ADGRF3: variants seen among roughly 807,000 people sequenced by gnomAD.
The protein encoded by ADGRF3 is adhesion G protein-coupled receptor F3, also known as G protein-coupled receptor 113.
In ADGRF3, 85 loss-of-function variants were observed where a neutral mutation model predicts 93.2. The observed-to-expected ratio is 0.91, with a 90% confidence interval of 0.77 to 1.09. ADGRF3 has a LOEUF of 1.09. Ranked by LOEUF, ADGRF3 falls within the 50% of genes least tolerant of loss-of-function variation. The pLI, the probability that ADGRF3 is intolerant of heterozygous loss-of-function variation, is 0.00. For synonymous variants in ADGRF3, 534 were observed against 532.5 expected, an observed-to-expected ratio of 1.00 and a Z score of -0.04; for missense variants, 1,125 against 1,246.2, an observed-to-expected ratio of 0.90 and a Z score of 1.46.
chr2:26,331,063 T>G (rs1033689008), intron 1 of ADGRF3, among the ~76,000 whole-genome samples: 1 of 152,250 alleles, frequency 6.6e-6, no homozygotes, highest in Non-Finnish European at 1.5e-5. Context: ...GATTTCTTCT[T>G]TGTCGGCTAC....
In ADGRF3 at chr2:26,333,986, G is replaced by GTT. The variant is rs35637865; in HGVS notation, c.114+12133_114+12134dup. 2.1e-3 allele frequency among the ~76,000 whole-genome samples: 313 copies of GTT among 147,044 alleles called. 1 individual carries two copies. Among genetic ancestry groups the GTT allele is most frequent in the Admixed American group, 2.6e-3 (39 of 14,820 alleles). On this transcript the variant is annotated intron_variant, in intron 1 of 13. Transcript: ENST00000651242. ...AGGCACACGCCACCACGCCCAGCTA[G>GTT]TTTTTTTTTTTGTATTTTTGGTAGA...
At chr2:26,319,591 CTT>C (rs1675012709) in intron 1 of ADGRF3, among the ~76,000 whole-genome samples, 1 of 78,034 alleles carries the variant, frequency 1.3e-5, no homozygotes, top group Non-Finnish European at 2.8e-5. Context: ...TCCTTCCTTC[CTT>C]CCTTCCTTCC....
chr2:26,321,407 G>T (rs1206507296), intron 1 of ADGRF3, among the ~76,000 whole-genome samples: 1 of 152,126 alleles, frequency 6.6e-6, no homozygotes, highest in Non-Finnish European at 1.5e-5. Flanking sequence ...AAGGGGATGT[G>T]GGACATCAAT....
Position 26,323,437 on chromosome 2 carries a change from G to T in ADGRF3, c.115-5875C>A, listed in dbSNP as rs550106159. 1.1e-4 allele frequency among the ~76,000 whole-genome samples: 16 copies of T among 152,252 alleles called. No individual in the cohort carries two copies. In the East Asian group the frequency reaches 3.1e-3, roughly 29 times the overall value. On this transcript the variant is annotated intron_variant, in intron 1 of 13. Coordinates refer to ENST00000651242, the MANE Select transcript of ADGRF3 (RefSeq NM_001321971.2). ...TCCTGGACACCTCTAAACATGGATT[G>T]TGAAGGCTGCTAGTAAGCAGTGCTC...
rs1215862545 is a variant in ADGRF3 at position 26,313,347 on chromosome 2, G to A, written c.1269+30C>T. ...AGAGGCTAGGGTGGGCCGTGGAGGG[G>A]GCACGTGGGCAGCAGGGTGGAAGCT... On this transcript the variant is annotated intron_variant, in intron 8 of 13. Transcript: ENST00000651242. 2.6e-6 allele frequency: 4 copies of A among 1,532,488 alleles called. No homozygotes were observed. The Admixed American group carries it at 6.0e-5, about 23-fold the overall frequency. 94.9% of individuals were successfully genotyped at this position (1,532,488 alleles called of 1,614,324 possible).
At chr2:26,338,869 G>A (rs1160190151) in intron 1 of ADGRF3, among the ~76,000 whole-genome samples, 2 of 152,070 alleles carry the variant, frequency 1.3e-5, no homozygotes, top group Non-Finnish European at 1.5e-5. Context: ...TGGGTGCGGT[G>A]GCTCACGCCT....
At position 26,346,441 on chromosome 2, in the gene ADGRF3, T is replaced by G; in HGVS notation, c.-207A>C. The G allele has an allele frequency of 2.1e-6, 2 of 961,778 alleles. No individual in the cohort carries two copies. Among genetic ancestry groups the G allele is most frequent in the East Asian group, 3.0e-5 (1 of 33,524 alleles). 59.6% of individuals were successfully genotyped at this position (961,778 alleles called of 1,614,324 possible). A position where few individuals can be genotyped will look rare whatever the true frequency, so the allele number is the denominator to read the frequency against. On this transcript the variant is annotated 5_prime_UTR_variant, in exon 1 of 14. Coordinates refer to ENST00000651242, the MANE Select transcript of ADGRF3 (RefSeq NM_001321971.2). Reference sequence around the variant, plus strand: ...CGGAGGTCCTGCGGGTCCTGGGGATTGGGGGTCGGGGAGCGTGGGAGCATC... The same window carrying G: ...CGGAGGTCCTGCGGGTCCTGGGGATGGGGGGTCGGGGAGCGTGGGAGCATC...
At chr2:26,309,901 A>G in intron 12 of ADGRF3, 142 bp downstream of exon 12, 32 of 1,562,730 alleles carry the variant, frequency 2.0e-5, no homozygotes, top group Non-Finnish European at 2.8e-5. Flanking sequence ...GGGGAGCTGG[A>G]ACCGGAAAAC....
chr2:26,342,228 G>A (rs927996453), intron 1 of ADGRF3, among the ~76,000 whole-genome samples: 1 of 151,776 alleles, frequency 6.6e-6, no homozygotes, highest in Non-Finnish European at 1.5e-5. Context: ...CTATTCTATT[G>A]TTCCACTCTA....
At chr2:26,313,605 A>G (rs1208546071) in intron 7 of ADGRF3, 32 bp from the exon 8 acceptor site, 2 of 1,586,038 alleles carry the variant, frequency 1.3e-6, no homozygotes, top group Non-Finnish European at 1.7e-6. Context: ...CTACTCAGCA[A>G]TCACAGCCTC....
At chr2:26,314,651 T>C in intron 5 of ADGRF3, 28 bp from the exon 6 acceptor site, 2 of 1,584,932 alleles carry the variant, frequency 1.3e-6, no homozygotes, top group Non-Finnish European at 1.7e-6. Flanking sequence ...CGGCGCTATG[T>C]GGCTCCTCTG....
chr2:26,316,470 G>C, intron 3 of ADGRF3, 22 bp from the exon 4 acceptor site: 1 of 1,548,076 alleles, frequency 6.5e-7, no homozygotes, highest in Non-Finnish European at 8.7e-7. Context: ...AAGAGAAGAG[G>C]GGGTGGGCAG....
intron 4 of ADGRF3, 88 bp downstream of exon 4, chr2:26,316,187 C>T (rs1190905725): frequency 7.9e-6 from 11 of 1,385,220 alleles, no homozygotes; most frequent in Non-Finnish European, 1.1e-5. Context: ...GACCAGCTGG[C>T]CAAACTACAG....
At chr2:26,337,978 G>A (rs904754286) in intron 1 of ADGRF3, among the ~76,000 whole-genome samples, 11 of 152,144 alleles carry the variant, frequency 7.2e-5, no homozygotes, top group Admixed American at 5.2e-4. Flanking sequence ...AGCCGAGATC[G>A]TGCCACTGCC....
At chr2:26,337,997 C>T (rs1055958017) in intron 1 of ADGRF3, among the ~76,000 whole-genome samples, 1 of 152,094 alleles carries the variant, frequency 6.6e-6, no homozygotes, top group Non-Finnish European at 1.5e-5. Context: ...CCCTCCCAGC[C>T]TGGGCAACAA....
chr2:26,339,748 T>A (rs10190873), intron 1 of ADGRF3, among the ~76,000 whole-genome samples: 2 of 151,954 alleles, frequency 1.3e-5, no homozygotes, highest in African/African-American at 4.8e-5. Context: ...AATCTTGAGA[T>A]AGGCAGACCA....
chr2:26,312,079 A>G lies in ADGRF3; in HGVS notation c.1450-5T>C. 1 of 1,598,202 alleles carries G rather than the reference A, an allele frequency of 6.3e-7. No individual in the cohort carries two copies. Among genetic ancestry groups the G allele is most frequent in the Non-Finnish European group, 8.5e-7 (1 of 1,174,288 alleles). On this transcript the variant is annotated splice_region_variant and splice_polypyrimidine_tract_variant and intron_variant, in intron 9 of 13. Transcript: ENST00000651242. ...GTCTGTGGCAATCAGGAGATTCTGC[A>G]GCACCCAAAAGAAAGATGAACCCCG...
intron 1 of ADGRF3, among the ~76,000 whole-genome samples, chr2:26,343,124 C>G (rs963226445): frequency 6.6e-6 from 1 of 152,080 alleles, no homozygotes; most frequent in Non-Finnish European, 1.5e-5. Flanking sequence ...CCTTGTGTTA[C>G]AACATTTTGA....
chr2:26,335,327 A>G (rs1379588499), intron 1 of ADGRF3, among the ~76,000 whole-genome samples: 1 of 152,210 alleles, frequency 6.6e-6, no homozygotes, highest in African/African-American at 2.4e-5. Flanking sequence ...TTCACTTCGC[A>G]TAATGTTTTC....
Sources: allele counts gnomAD v4.1 joint callset (sites outside exome capture counted in the v4.1 genomes callset), GRCh38; gene constraint gnomAD v4.1.1; transcripts MANE v1.5; gene names NCBI Gene and HGNC (gene_info 2026-07-23, HGNC 2026-07-21).